Variants in FPGS observed in about 807,000 individuals in gnomAD.
FPGS encodes folylpolyglutamate synthase, mitochondrial.
FPGS carries 53 observed loss-of-function variants against 66.5 expected under a neutral mutation model. The observed-to-expected ratio is 0.80, with a 90% confidence interval of 0.64 to 1.00. The LOEUF (loss-of-function observed/expected upper bound fraction) is 1.00. FPGS is among the 50% of genes least tolerant of loss of function. The pLI, the probability that FPGS is intolerant of heterozygous loss-of-function variation, is 0.00. For missense variants in FPGS, 702 were observed against 807.7 expected (o/e 0.87, Z 1.59); for synonymous variants, 348 against 350.9 (o/e 0.99, Z 0.09).
chr9:127,810,156 T>TCACA, intron 13 of FPGS, 50 bp downstream of exon 13: 2 of 1,520,932 alleles, frequency 1.3e-6, no homozygotes, highest in Non-Finnish European at 1.8e-6. Flanking sequence ...AAGCCCTGGG[T>TCACA]CTGGCGGTGT....
chr9:127,805,746 C>T (rs1342151123), intron 4 of FPGS, among the ~76,000 whole-genome samples: 4 of 152,248 alleles, frequency 2.6e-5, no homozygotes, highest in African/African-American at 7.2e-5. Context: ...GTGCCATCCA[C>T]GTTAAGGTCT....
intron 12 of FPGS, 40 bp from the exon 13 acceptor site, chr9:127,809,991 G>A (rs752269260): frequency 1.5e-5 from 23 of 1,578,418 alleles, no homozygotes; most frequent in Non-Finnish European, 1.6e-5. Flanking sequence ...CAGGGAGAAC[G>A]GGCGGCGCCC....
rs116243644 is a variant in FPGS, at chr9:127,812,924, G to T, written c.1355-271G>T. Among the ~76,000 whole-genome samples, 138 of 152,308 alleles carry T rather than the reference G, an allele frequency of 9.1e-4. 1 individual carries two copies. Among genetic ancestry groups the T allele is most frequent in the African/African-American group, 3.2e-3 (135 of 41,564 alleles). On this transcript the variant is annotated intron_variant, in intron 14 of 14. Transcript: ENST00000373247. ...ACATTTTATAGATGGAGACAATGAG[G>T]CCAGAGTGGGGAAGGGGTGCCTAGT... is the stretch of plus-strand genomic sequence containing the variant.
intron 13 of FPGS, 133 bp from the exon 14 acceptor site, chr9:127,810,812 G>T: frequency 3.6e-6 from 2 of 554,750 alleles, no homozygotes. Flanking sequence ...AAGTACCTTG[G>T]CTAGGTTTAT....
At chr9:127,809,510 G>C (rs1005359178) in intron 11 of FPGS, among the ~76,000 whole-genome samples, 174 bp from the exon 12 acceptor site, 3 of 152,196 alleles carry the variant, frequency 2.0e-5, no homozygotes, top group Non-Finnish European at 4.4e-5. Context: ...AGATGAGACA[G>C]CCGAAAAGCC....
At chr9:127,812,083 A>T (rs994755673) in intron 14 of FPGS, among the ~76,000 whole-genome samples, 1 of 135,196 alleles carries the variant, frequency 7.4e-6, no homozygotes, top group East Asian at 1.9e-4. Context: ...TCATCTCTAT[A>T]AAAAAAAATA....
At chr9:127,813,036 C>T (rs946497288) in intron 14 of FPGS, among the ~76,000 whole-genome samples, 159 bp from the exon 15 acceptor site, 3 of 152,202 alleles carry the variant, frequency 2.0e-5, no homozygotes, top group Non-Finnish European at 4.4e-5. Context: ...TCAGTTTCTT[C>T]ACTGTGTGCA....
chr9:127,803,095 G>GGCGCGACGACACGTGGGCCTGC, intron 1 of FPGS, 33 bp downstream of exon 1: 1 of 1,363,336 alleles, frequency 7.3e-7, no homozygotes, highest in Non-Finnish European at 9.4e-7. Flanking sequence ...AGCGGGCCTG[G>GGCGCGACGACACGTGGGCCTGC]GCGCGACGAC....
In FPGS at chr9:127,813,402, C is replaced by A; in HGVS notation, c.1562C>A (p.Ser521Ter). The A allele has an allele frequency of 6.2e-7, 1 of 1,609,676 alleles. No individual in the cohort carries two copies. Among genetic ancestry groups the A allele is most frequent in the Non-Finnish European group, 8.5e-7 (1 of 1,177,336 alleles). Residue 521 changes from serine (S) to a stop codon, truncating the protein, a stop_gained, in exon 15 of 15, where the codon TCA becomes TAA. Coordinates refer to ENST00000373247, the MANE Select transcript of FPGS (RefSeq NM_004957.6). LOFTEE classifies it high-confidence loss of function. ...AGCTCCCTCGTCTTCAGCTGCATTT[C>A]ACATGCCTTGCAATGGATCAGCCAA... ...SASSLVFSCI[S>*]HALQWISQGR...
In FPGS at chr9:127,808,593, CGAG is replaced by C. The variant is rs1762813135; in HGVS notation, c.861_863del (p.Glu288del). ...ACCTGTGTCCGATGCTGGAGGCCCT[CGAG>C]GAAGGGGGGCCGCCGCTGACCCTGG... On this transcript the variant is annotated inframe_deletion, in exon 10 of 15. Coordinates refer to ENST00000373247, the MANE Select transcript of FPGS (RefSeq NM_004957.6). 3 of 1,612,046 alleles carry C rather than the reference CGAG, an allele frequency of 1.9e-6. No individual in the cohort carries two copies. The highest frequency in any genetic ancestry group is 2.5e-6 in the Non-Finnish European group (3 of 1,179,722).
chr9:127,811,019 G>A lies in FPGS; in HGVS notation c.1354+8G>A, dbSNP rs1830053284. 6.3e-7 allele frequency: 1 copy of A among 1,575,436 alleles called. No homozygotes were observed. Among genetic ancestry groups the A allele is most frequent in the Non-Finnish European group, 8.7e-7 (1 of 1,154,940 alleles). On this transcript the variant is annotated splice_region_variant and intron_variant, in intron 14 of 14. Coordinates refer to ENST00000373247, the MANE Select transcript of FPGS (RefSeq NM_004957.6). ...CATCCACAGGCAACGCAGGTGAGAG[G>A]TGACAGGCATGGCCCCTGGGGATGA...
intron 11 of FPGS, 82 bp from the exon 12 acceptor site, chr9:127,809,602 G>T: frequency 7.2e-7 from 1 of 1,381,934 alleles, no homozygotes; most frequent in Non-Finnish European, 9.6e-7. Context: ...CTGCAGGGGA[G>T]AACGGGCTCA....
At chr9:127,810,617 CCT>C (rs1392305041) in intron 13 of FPGS, among the ~76,000 whole-genome samples, 3 of 152,074 alleles carry the variant, frequency 2.0e-5, no homozygotes, top group African/African-American at 4.8e-5. Context: ...GTATCCAGAA[CCT>C]CTCCCATTTA....
In FPGS at chr9:127,814,073, T is replaced by G; in HGVS notation, c.*469T>G. The G allele has an allele frequency of 1.0e-6, 1 of 988,882 alleles. No individual in the cohort carries two copies. Among genetic ancestry groups the G allele is most frequent in the Non-Finnish European group, 1.2e-6 (1 of 832,488 alleles). The allele number at this position is 988,882 out of a possible 1,614,324, so 61.3% of individuals were successfully genotyped here. On this transcript the variant is annotated 3_prime_UTR_variant, in exon 15 of 15. Coordinates refer to ENST00000373247, the MANE Select transcript of FPGS (RefSeq NM_004957.6). ...TGTTTTTTAAAGAAATGGCAAAGCCTTCGACTGACCCTTGACCCCCTGCTC... is the reference window on the plus strand; with the variant it reads ...TGTTTTTTAAAGAAATGGCAAAGCCGTCGACTGACCCTTGACCCCCTGCTC...
At position 127,808,654 on chromosome 9, in the gene FPGS, G is replaced by T; in HGVS notation, c.919G>T (p.Ala307Ser). ...GGGGGAGCACCAGCGGTCCAACGCCGCCTTGGCCTTGCAGCTGGCCCACTG... is the reference window on the plus strand; with the variant it reads ...GGGGGAGCACCAGCGGTCCAACGCCTCCTTGGCCTTGCAGCTGGCCCACTG... The part of the protein sequence containing the change: ...LEGEHQRSNA[A>S]LALQLAHCWL... Residue 307 changes from alanine to serine, a missense_variant, in exon 10 of 15, where the codon GCC becomes TCC. Physicochemically the swap from Ala to Ser is moderately conservative, Grantham distance 99 (BLOSUM62 1). Around this residue, in one of 3 missense-constraint regions of FPGS, gnomAD observed 240 missense variants for 348.6 expected, o/e 0.69. Transcript: ENST00000373247. The T allele has an allele frequency of 5.6e-6, 9 of 1,605,000 alleles. No individual in the cohort carries two copies. Among genetic ancestry groups the T allele is most frequent in the Middle Eastern group, 1.7e-4 (1 of 6,030 alleles).
At chr9:127,803,474 G>T in intron 1 of FPGS, 1 of 934,192 alleles carries the variant, frequency 1.1e-6, no homozygotes, top group Non-Finnish European at 1.3e-6. Context: ...GGCTGTCCAG[G>T]ATTCAGAAGA....
chr9:127,811,597 T>C (rs1830081601), intron 14 of FPGS, among the ~76,000 whole-genome samples: 1 of 152,190 alleles, frequency 6.6e-6, no homozygotes, highest in Non-Finnish European at 1.5e-5. Flanking sequence ...ATGATTCTCA[T>C]GTCTCAGCCT....
In FPGS at chr9:127,807,679, C is replaced by T; in HGVS notation, c.735C>T (p.Gly245=). ...TVEKIAWQKG[G]IFKQGVPAFT... Reference sequence around the variant, plus strand: ...AGAAGATCGCATGGCAGAAAGGGGGCATCTTTAAGGTGACCAGGCAGACTG... The same window carrying T: ...AGAAGATCGCATGGCAGAAAGGGGGTATCTTTAAGGTGACCAGGCAGACTG... Residue 245 remains glycine, a synonymous_variant, in exon 8 of 15, where the codon GGC becomes GGT. Transcript: ENST00000373247. This position sits in a 1 kb window ranked among gnomAD's most constrained non-coding sequence, Gnocchi z 5.8. 1 of 1,588,104 alleles carries T rather than the reference C, an allele frequency of 6.3e-7. No individual in the cohort carries two copies.
At chr9:127,814,168 T>C (rs565975172), downstream of FPGS, 1,025 of 985,576 alleles carry the variant, frequency 1.0e-3, no homozygotes, top group Non-Finnish European at 1.2e-3. Flanking sequence ...AGCCTGGCTG[T>C]GTGGCCTGGA....
Sources: allele counts gnomAD v4.1 joint callset (sites outside exome capture counted in the v4.1 genomes callset), GRCh38; gene constraint gnomAD v4.1.1; regional missense constraint gnomAD v4.1.1; non-coding constraint Gnocchi (gnomAD v3.1); transcripts MANE v1.5; gene names NCBI Gene and HGNC (gene_info 2026-07-23, HGNC 2026-07-21).